The following TRMT11 variants were observed in gnomAD, a reference collection of about 807,000 sequenced individuals.
TRMT11 encodes the protein tRNA (guanine(10)-N(2))-methyltransferase TRMT11.
A neutral mutation model predicts 62.8 loss-of-function variants in TRMT11; 53 were observed. The ratio of observed to expected loss-of-function variants is 0.84; its 90% confidence interval spans 0.68 to 1.06. The LOEUF (loss-of-function observed/expected upper bound fraction) is 1.06, where lower values mean the gene tolerates loss of function less well. Among genes scored for constraint, TRMT11 ranks in the 50% least tolerant of loss-of-function variants. The probability of loss-of-function intolerance (pLI) is 0.00; values close to 1 mark genes in which losing one functional copy is unlikely to be tolerated. For synonymous variants in TRMT11, 188 were observed against 190.3 expected, an observed-to-expected ratio of 0.99 and a Z score of 0.10; for missense variants, 556 against 553.4, an observed-to-expected ratio of 1.00 and a Z score of -0.05.
chr6:126,237,806 G>A, the TRMT11 span, among the ~76,000 whole-genome samples: 1 of 152,058 alleles, frequency 6.6e-6, no homozygotes, highest in African/African-American at 2.4e-5. Flanking sequence ...TTTCTAAAAG[G>A]GTCAGAAGAA....
At chr6:126,243,575 AC>A in the TRMT11 span, among the ~76,000 whole-genome samples, 1 of 152,214 alleles carries the variant, frequency 6.6e-6, no homozygotes, top group Non-Finnish European at 1.5e-5. Context: ...GAAAATGTGC[AC>A]ATATACACCA....
At chr6:126,107,283 T>A (rs1777475047) in intron 17 of TRMT11, among the ~76,000 whole-genome samples, 7 of 152,354 alleles carry the variant, frequency 4.6e-5, no homozygotes, top group Admixed American at 4.6e-4. Context: ...TGTGCAATTA[T>A]AATACAGCAC....
intron 17 of TRMT11, among the ~76,000 whole-genome samples, chr6:126,071,383 G>A (rs754775325): frequency 6.7e-5 from 10 of 148,890 alleles, no homozygotes; most frequent in Non-Finnish European, 1.2e-4. Flanking sequence ...TTACCAAATT[G>A]CTTTGAGTTT....
chr6:126,205,439 G>A (rs1264154078), downstream of TRMT11, among the ~76,000 whole-genome samples: 3 of 152,204 alleles, frequency 2.0e-5, no homozygotes, highest in Non-Finnish European at 4.4e-5. Context: ...GGGAGGTGGA[G>A]GTTGCAGTGA....
chr6:126,035,271 AAG>A (rs1418121041), intron 12 of TRMT11, among the ~76,000 whole-genome samples: 1 of 152,156 alleles, frequency 6.6e-6, no homozygotes, highest in African/African-American at 2.4e-5. Flanking sequence ...CTTTCCACTT[AAG>A]TGAAAATAGT....
Position 126,131,471 on chromosome 6 carries a change from T to C in TRMT11, c.*1823+15616T>C, listed in dbSNP as rs144042580. Among the ~76,000 whole-genome samples, 70 of 152,028 alleles carry C rather than the reference T, an allele frequency of 4.6e-4. 3 individuals carry two copies. In the East Asian group the frequency reaches 0.013, roughly 28 times the overall value. On this transcript the variant is annotated intron_variant and NMD_transcript_variant, in intron 21 of 22. Coordinates refer to the TRMT11 transcript ENST00000648977. ...CTGTGTAGAACAGTATGTCTAAGTATATTTCAAGTAAATCCTCAACTCAAC... is the reference window on the plus strand; with the variant it reads ...CTGTGTAGAACAGTATGTCTAAGTACATTTCAAGTAAATCCTCAACTCAAC...
chr6:126,184,721 C>T (rs1327385224), intron 1 of TRMT11, among the ~76,000 whole-genome samples: 1 of 152,168 alleles, frequency 6.6e-6, no homozygotes, highest in Non-Finnish European at 1.5e-5. Context: ...ATTGTAGACC[C>T]AGCCAGTGTT....
chr6:126,059,527 T>C (rs1245922875), intron 17 of TRMT11, among the ~76,000 whole-genome samples: 1 of 152,252 alleles, frequency 6.6e-6, no homozygotes, highest in Admixed American at 6.5e-5. Context: ...GCAGTACTTA[T>C]ATTAATCATT....
intron 21 of TRMT11, among the ~76,000 whole-genome samples, chr6:126,131,515 A>C (rs1004503636): frequency 3.9e-5 from 6 of 152,016 alleles, no homozygotes; most frequent in Non-Finnish European, 8.8e-5. Context: ...CTGCAGTTAC[A>C]CCACGCCTTT....
At chr6:126,139,797 T>C (rs1049011824) in intron 21 of TRMT11, among the ~76,000 whole-genome samples, 1 of 152,146 alleles carries the variant, frequency 6.6e-6, no homozygotes, top group Non-Finnish European at 1.5e-5. Context: ...TTGCTAAACT[T>C]TCTAATGTGA....
intron 12 of TRMT11, 41 bp from the exon 13 acceptor site, chr6:126,038,664 A>G (rs1583830400): frequency 6.6e-7 from 1 of 1,526,554 alleles, no homozygotes; most frequent in South Asian, 1.3e-5. Context: ...TAAGCTAACT[A>G]AAGAAATAAT....
At chr6:126,089,401 C>T (rs1436513197) in intron 17 of TRMT11, among the ~76,000 whole-genome samples, 6 of 152,086 alleles carry the variant, frequency 3.9e-5, no homozygotes, top group African/African-American at 7.2e-5. Flanking sequence ...AGTGAGCCGC[C>T]GCACCCACCC....
At chr6:126,181,952 A>G (rs1204464605) in intron 1 of TRMT11, among the ~76,000 whole-genome samples, 1 of 152,218 alleles carries the variant, frequency 6.6e-6, no homozygotes, top group Non-Finnish European at 1.5e-5. Flanking sequence ...TCAAAAACAG[A>G]TATTTCAAGA....
At chr6:126,263,270 G>A in the TRMT11 span, among the ~76,000 whole-genome samples, 62 of 152,192 alleles carry the variant, frequency 4.1e-4, no homozygotes, top group African/African-American at 1.4e-3. Flanking sequence ...ATTTTGGGGG[G>A]AAAATAGTGA....
At chr6:126,018,832 A>G (rs1795368368) in intron 11 of TRMT11, among the ~76,000 whole-genome samples, 1 of 152,196 alleles carries the variant, frequency 6.6e-6, no homozygotes, top group African/African-American at 2.4e-5. Flanking sequence ...CGAACATTCC[A>G]TTGGAATGAA....
At chr6:126,158,368 T>C (rs1201539878) in intron 21 of TRMT11, among the ~76,000 whole-genome samples, 1 of 152,194 alleles carries the variant, frequency 6.6e-6, no homozygotes, top group Admixed American at 6.5e-5. Context: ...TTTGTCCTTT[T>C]GTATTTTCTG....
intron 16 of TRMT11, among the ~76,000 whole-genome samples, chr6:126,046,685 G>A (rs1162713521): frequency 3.9e-5 from 6 of 152,176 alleles, no homozygotes; most frequent in Non-Finnish European, 8.8e-5. Context: ...ACACAGTCCT[G>A]TGGGGGAAGG....
At chr6:126,247,562 A>T in the TRMT11 span, among the ~76,000 whole-genome samples, 4 of 147,020 alleles carry the variant, frequency 2.7e-5, no homozygotes, top group African/African-American at 9.8e-5. Context: ...AAATAAATAT[A>T]TAAATATATA....
rs573084631 is a variant in TRMT11 at position 126,007,586 on chromosome 6, C to T, written c.680-806C>T. Among the ~76,000 whole-genome samples, 6 of 152,040 alleles carry T rather than the reference C, an allele frequency of 3.9e-5. No individual in the cohort carries two copies. In the South Asian group the frequency reaches 8.3e-4, roughly 21 times the overall value. Reference sequence around the variant, plus strand: ...TATTAAAAGTTCAGTTAATTGTGTACAATTTTTTCTTAATTTAAAAATAGT... The same window carrying T: ...TATTAAAAGTTCAGTTAATTGTGTATAATTTTTTCTTAATTTAAAAATAGT... On this transcript the variant is annotated intron_variant, in intron 7 of 12. Coordinates refer to ENST00000334379, the MANE Select transcript of TRMT11 (RefSeq NM_001031712.3).
Sources: gnomAD v4.1 joint callset for allele counts (sites outside exome capture counted in the v4.1 genomes callset) on GRCh38, gnomAD v4.1.1 for gene constraint, MANE v1.5 for transcripts, NCBI Gene and HGNC (gene_info 2026-07-23, HGNC 2026-07-21) for gene names.